The following ZNF219 variants were observed in gnomAD, a reference collection of about 807,000 sequenced individuals.
ZNF219 encodes the protein zinc finger protein 219.
A neutral mutation model predicts 54.4 loss-of-function variants in ZNF219; 17 were observed. That is an observed-to-expected ratio of 0.31 (90% confidence interval 0.21 to 0.47). The LOEUF (loss-of-function observed/expected upper bound fraction) is 0.47, where lower values mean the gene tolerates loss of function less well. ZNF219 is among the 20% of genes least tolerant of loss of function. The probability of loss-of-function intolerance (pLI) is 1.00; values close to 1 mark genes in which losing one functional copy is unlikely to be tolerated. For synonymous variants in ZNF219, 518 were observed against 476.4 expected (o/e 1.09, Z -1.14); for missense variants, 1,014 against 1,062.3 (o/e 0.95, Z 0.63).
chr14:21,091,374 C>G, intron 4 of ZNF219, 37 bp downstream of exon 4: 1 of 1,577,262 alleles, frequency 6.3e-7, no homozygotes, highest in African/African-American at 1.3e-5. Flanking sequence ...CTGCCCGCCC[C>G]CAGTCCCCTC....
chr14:21,094,449 G>C (rs766357436), intron 1 of ZNF219: 2 of 455,600 alleles, frequency 4.4e-6, no homozygotes, highest in South Asian at 3.1e-5. Flanking sequence ...TGGGGCATCT[G>C]AGCCCCTTTG....
In ZNF219 at chr14:21,090,487, C is replaced by T; in HGVS notation, c.*49G>A. ...TCTACCCAACTACCTCTAGCGCTCCCCCGCTCCGGCGGGGTAAGCTCACTA... is the reference window on the plus strand; with the variant it reads ...TCTACCCAACTACCTCTAGCGCTCCTCCGCTCCGGCGGGGTAAGCTCACTA... On this transcript the variant is annotated 3_prime_UTR_variant, in exon 5 of 5. Coordinates refer to ENST00000360947, the MANE Select transcript of ZNF219 (RefSeq NM_016423.3). The surrounding 1 kb of genome is among the most constrained non-coding windows in gnomAD (Gnocchi z 4.4). 1 of 1,537,312 alleles carries T rather than the reference C, an allele frequency of 6.5e-7. No individual in the cohort carries two copies. The highest frequency in any genetic ancestry group is 8.8e-7 in the Non-Finnish European group (1 of 1,140,152).
upstream of ZNF219, chr14:21,102,664 C>G (rs2139353817): frequency 6.4e-7 from 1 of 1,551,564 alleles, no homozygotes; most frequent in East Asian, 2.4e-5. Context: ...GAACTCAGTG[C>G]TGAGGCCTTC....
At chr14:21,096,605 T>G (rs1889288222) in intron 1 of ZNF219, among the ~76,000 whole-genome samples, 1 of 152,210 alleles carries the variant, frequency 6.6e-6, no homozygotes, top group South Asian at 2.1e-4. Context: ...TGACCTACTT[T>G]CCACCCCCAC....
At chr14:21,102,740 CT>C (rs1445863004), upstream of ZNF219, 2 of 1,551,172 alleles carry the variant, frequency 1.3e-6, no homozygotes, top group East Asian at 4.9e-5. Flanking sequence ...AACCAGGATG[CT>C]GCAGGAGCCA....
chr14:21,096,096 C>G (rs1002606936), intron 1 of ZNF219, among the ~76,000 whole-genome samples: 2 of 152,204 alleles, frequency 1.3e-5, no homozygotes, highest in African/African-American at 4.8e-5. Context: ...GGCACATACT[C>G]TCATTCTGAG....
chr14:21,090,982 G>T lies in ZNF219; in HGVS notation c.1723C>A (p.Gln575Lys), dbSNP rs1427568020. The part of the protein sequence containing the change: ...PPPSQRGSAP[Q>K]SGAKPSPQPA... The stretch of plus-strand genomic sequence containing the variant: ...TGCGGAGACGGCTTGGCTCCAGATT[G>T]CGGGGCCGAACCCCGCTGGGAAGGA... The change falls in exon 5 of 5, where the codon CAA becomes AAA. Residue 575 changes from glutamine (Q) to lysine (K), a missense_variant. Transcript: ENST00000360947. The surrounding 1 kb of genome is among the most constrained non-coding windows in gnomAD (Gnocchi z 4.4). The T allele has an allele frequency of 6.5e-7, 1 of 1,549,920 alleles. No homozygotes were observed. Among genetic ancestry groups the T allele is most frequent in the Non-Finnish European group, 8.7e-7 (1 of 1,154,492 alleles).
rs1444827709 is a variant in ZNF219 at position 21,090,231 on chromosome 14, C to T, written c.*305G>A. ...CCCCTTGTACAAAAATAAACTCTCA[C>T]GCCTATGGACCAGCAAAGACTGGCA... On this transcript the variant is annotated 3_prime_UTR_variant, in exon 5 of 5. Coordinates refer to ENST00000360947, the MANE Select transcript of ZNF219 (RefSeq NM_016423.3). The surrounding 1 kb of genome is among the most constrained non-coding windows in gnomAD (Gnocchi z 4.4). 6.4e-6 allele frequency: 4 copies of T among 629,912 alleles called. No homozygotes were observed. The highest frequency in any genetic ancestry group is 3.3e-5 in the East Asian group (1 of 30,516). 39.0% of individuals were successfully genotyped at this position (629,912 alleles called of 1,614,324 possible). A position where few individuals can be genotyped will look rare whatever the true frequency, so the allele number is the denominator to read the frequency against.
chr14:21,104,681 C>T (rs45486304), exon 1 of ZNF219: 23,357 of 152,288 alleles, frequency 0.15, 2,065 homozygotes, highest in Admixed American at 0.28. Context: ...GCAGTGGCGT[C>T]CGCTGCAGCT....
At chr14:21,099,158 G>A, upstream of ZNF219, 2 of 200,088 alleles carry the variant, frequency 1.0e-5, no homozygotes, top group Non-Finnish European at 2.1e-5. Context: ...GAAAGAAGTG[G>A]TACCTTCCTT....
chr14:21,102,404 G>A (rs1423444265), upstream of ZNF219: 4 of 1,551,708 alleles, frequency 2.6e-6, no homozygotes, highest in Admixed American at 5.9e-5. Context: ...CTCACTGGCA[G>A]GTGCGGGCCA....
chr14:21,103,436 A>C (rs1594614651), upstream of ZNF219: 4 of 1,045,374 alleles, frequency 3.8e-6, no homozygotes, highest in Non-Finnish European at 5.3e-6. Flanking sequence ...TCCTCACCTC[A>C]CCACCCTGAA....
chr14:21,090,196 C>T lies in ZNF219; in HGVS notation c.*340G>A. 1 of 554,546 alleles carries T rather than the reference C, an allele frequency of 1.8e-6. No individual in the cohort carries two copies. The highest frequency in any genetic ancestry group is 3.4e-6 in the Non-Finnish European group (1 of 290,096). 34.4% of individuals were successfully genotyped at this position (554,546 alleles called of 1,614,324 possible). On this transcript the variant is annotated 3_prime_UTR_variant, in exon 5 of 5. Coordinates refer to ENST00000360947, the MANE Select transcript of ZNF219 (RefSeq NM_016423.3). This position sits in a 1 kb window ranked among gnomAD's most constrained non-coding sequence, Gnocchi z 4.4. ...ATGGGGCTAGAAGGGTACAGTGCCC[C>T]CCACCCTCACCCCTTGTACAAAAAT...
At chr14:21,098,117 C>T (rs1418686691) in intron 1 of ZNF219, among the ~76,000 whole-genome samples, 195 bp downstream of exon 1, 2 of 150,584 alleles carry the variant, frequency 1.3e-5, no homozygotes, top group African/African-American at 2.4e-5. Flanking sequence ...CCGCCACCCC[C>T]ACCCCGCCCC....
rs1309554236 is a variant in ZNF219 at position 21,092,044 on chromosome 14, G to T, written c.1253C>A (p.Ala418Asp). The T allele has an allele frequency of 1.3e-6, 2 of 1,546,164 alleles. No individual in the cohort carries two copies. The highest frequency in any genetic ancestry group is 1.4e-5 in the African/African-American group (1 of 72,814). ...RPLSSALPAR[A>D]RRHRAEEPEE... ...AGGCTCCTCCGCACGGTGCCGGCGAGCCCGGGCCGGGAGAGCAGAGGACAG... is the reference window on the plus strand; with the variant it reads ...AGGCTCCTCCGCACGGTGCCGGCGATCCCGGGCCGGGAGAGCAGAGGACAG... The change falls in exon 3 of 5, where the codon GCT becomes GAT. Residue 418 changes from alanine to aspartate, a missense_variant. Physicochemically the swap from Ala to Asp is moderately radical, Grantham distance 126. Around this residue, in one of 5 missense-constraint regions of ZNF219, gnomAD observed 272 missense variants for 248.9 expected, o/e 1.09. Transcript: ENST00000360947.
At chr14:21,101,801 G>A, upstream of ZNF219, 1 of 1,298,408 alleles carries the variant, frequency 7.7e-7, no homozygotes, top group Non-Finnish European at 1.1e-6. Context: ...TAAAGAGGTA[G>A]GAGTTACGAG....
At position 21,091,440 on chromosome 14, in the gene ZNF219, T is replaced by C; in HGVS notation, c.1535A>G (p.His512Arg). The C allele has an allele frequency of 6.2e-7, 1 of 1,607,546 alleles. No individual in the cohort carries two copies. The highest frequency in any genetic ancestry group is 8.5e-7 in the Non-Finnish European group (1 of 1,174,944). Residue 512 changes from histidine (H) to arginine (R), a missense_variant, in exon 4 of 5, where the codon CAC becomes CGC. Physicochemically the swap from His to Arg is conservative, Grantham distance 29 (BLOSUM62 0). Around this residue, in one of 5 missense-constraint regions of ZNF219, gnomAD observed 38 missense variants for 67.3 expected, o/e 0.56. Coordinates refer to ENST00000360947, the MANE Select transcript of ZNF219 (RefSeq NM_016423.3). ...FCGKSFRSAH[H>R]LKVHLRVHTG... ...GTGCACTCGCAGATGCACTTTGAGG[T>C]GATGTGCTGAGCGGAAAGATTTTCC...
chr14:21,094,905 ACCT>A (rs1481543399), intron 1 of ZNF219, among the ~76,000 whole-genome samples: 1 of 82,134 alleles, frequency 1.2e-5, no homozygotes, highest in African/African-American at 6.0e-5. Flanking sequence ...TGTGGGTCTA[ACCT>A]TTTTTTTTTT....
At chr14:21,098,924 G>T, upstream of ZNF219, 1 of 1,186,134 alleles carries the variant, frequency 8.4e-7, no homozygotes, top group Non-Finnish European at 1.1e-6. Context: ...CTCTCTTTTG[G>T]GGGAGGAGGA....
Sources: allele counts gnomAD v4.1 joint callset (sites outside exome capture counted in the v4.1 genomes callset), GRCh38; gene constraint gnomAD v4.1.1; regional missense constraint gnomAD v4.1.1; non-coding constraint Gnocchi (gnomAD v3.1); transcripts MANE v1.5; gene names NCBI Gene and HGNC (gene_info 2026-07-23, HGNC 2026-07-21).